The following NRG1 variants were observed in gnomAD, a reference collection of about 807,000 sequenced individuals.
The protein encoded by NRG1 is pro-neuregulin-1, membrane-bound isoform.
Under a neutral mutation model 63.8 loss-of-function variants are expected in NRG1, and 18 were observed. That is an observed-to-expected ratio of 0.28 (90% CI 0.19 to 0.42). The LOEUF (loss-of-function observed/expected upper bound fraction) is 0.42, where lower values mean the gene tolerates loss of function less well. Among genes scored for constraint, NRG1 ranks in the 10% least tolerant of loss-of-function variants. The pLI, the probability that NRG1 is intolerant of heterozygous loss-of-function variation, is 1.00. For synonymous variants in NRG1, 302 were observed against 301.3 expected (o/e 1.00, Z -0.02); for missense variants, 762 against 814.7 (o/e 0.94, Z 0.79).
intron 1 of NRG1, among the ~76,000 whole-genome samples, chr8:32,243,025 C>A (rs1481734): frequency 0.41 from 61,710 of 151,824 alleles, 13,358 homozygotes; most frequent in Admixed American, 0.47. Flanking sequence ...TGTTCTGGGT[C>A]CTTCTCCTTG....
chr8:32,335,226 T>C (rs1039578517), intron 1 of NRG1, among the ~76,000 whole-genome samples: 4 of 152,202 alleles, frequency 2.6e-5, no homozygotes, highest in African/African-American at 9.7e-5. Flanking sequence ...CAATTACAAC[T>C]TGATTCTTGT....
chr8:31,667,204 C>T (rs1254510244), intron 1 of NRG1, among the ~76,000 whole-genome samples: 1 of 152,168 alleles, frequency 6.6e-6, no homozygotes, highest in Admixed American at 6.5e-5. Context: ...TACTGATTTA[C>T]CAATTTTCTG....
chr8:31,679,052 T>C (rs1192663621), intron 1 of NRG1, among the ~76,000 whole-genome samples: 10 of 152,000 alleles, frequency 6.6e-5, no homozygotes, highest in African/African-American at 2.4e-4. Flanking sequence ...CTTTTTAAAA[T>C]TTGTTGCAGT....
At chr8:31,903,240 C>G (rs1476078772) in intron 1 of NRG1, among the ~76,000 whole-genome samples, 1 of 150,340 alleles carries the variant, frequency 6.7e-6, no homozygotes, top group Non-Finnish European at 1.5e-5. Flanking sequence ...GCTCTGCCTC[C>G]CGGGTTCACG....
chr8:32,621,941 G>A (rs532738770), intron 5 of NRG1, among the ~76,000 whole-genome samples: 54 of 152,294 alleles, frequency 3.5e-4, no homozygotes, highest in African/African-American at 1.3e-3. Flanking sequence ...GGATTGAAAG[G>A]TAGCCTTTGG....
At chr8:31,930,394 A>G (rs1037722507) in intron 1 of NRG1, among the ~76,000 whole-genome samples, 3 of 152,220 alleles carry the variant, frequency 2.0e-5, no homozygotes, top group African/African-American at 7.2e-5. Flanking sequence ...AGAACCTAGC[A>G]GATAATTTTT....
chr8:32,660,067 A>G (rs1589042656), intron 5 of NRG1, among the ~76,000 whole-genome samples: 1 of 152,180 alleles, frequency 6.6e-6, no homozygotes, highest in African/African-American at 2.4e-5. Flanking sequence ...CATTTTTATG[A>G]CCTGTATAGT....
intron 1 of NRG1, among the ~76,000 whole-genome samples, chr8:31,807,107 A>G (rs1380516685): frequency 6.6e-6 from 1 of 152,244 alleles, no homozygotes; most frequent in Admixed American, 6.5e-5. Context: ...CTGAGTAGAC[A>G]CTTTAACTTG....
At chr8:32,027,205 G>A (rs1479663192) in intron 1 of NRG1, among the ~76,000 whole-genome samples, 8 of 151,946 alleles carry the variant, frequency 5.3e-5, no homozygotes, top group African/African-American at 1.9e-4. Flanking sequence ...TTTCAAGTAG[G>A]GTTGAGTAGT....
chr8:32,232,604 T>C (rs888308852), intron 1 of NRG1, among the ~76,000 whole-genome samples: 1 of 152,134 alleles, frequency 6.6e-6, no homozygotes, highest in African/African-American at 2.4e-5. Flanking sequence ...CTATAACTCA[T>C]ATCAGGTGAA....
At chr8:32,639,249 T>C (rs1004777886) in intron 5 of NRG1, among the ~76,000 whole-genome samples, 7 of 151,834 alleles carry the variant, frequency 4.6e-5, no homozygotes, top group African/African-American at 1.5e-4. Context: ...GTACTAAAAA[T>C]ACAAAAATTA....
At chr8:32,186,601 G>C (rs1841998434) in intron 1 of NRG1, among the ~76,000 whole-genome samples, 4 of 152,196 alleles carry the variant, frequency 2.6e-5, no homozygotes, top group Admixed American at 2.6e-4. Flanking sequence ...GAGATGTGGA[G>C]ATGCAGATTC....
At chr8:31,942,699 A>T (rs1801934761) in intron 1 of NRG1, among the ~76,000 whole-genome samples, 1 of 152,124 alleles carries the variant, frequency 6.6e-6, no homozygotes, top group Non-Finnish European at 1.5e-5. Flanking sequence ...CAAGATAAAG[A>T]CAAACAATCT....
intron 1 of NRG1, among the ~76,000 whole-genome samples, chr8:31,710,970 T>A (rs1371251990): frequency 3.3e-5 from 5 of 152,184 alleles, no homozygotes; most frequent in African/African-American, 9.6e-5. Flanking sequence ...GAAGGTGACA[T>A]ATTTATTCTA....
At chr8:31,716,051 C>T (rs987887865) in intron 1 of NRG1, among the ~76,000 whole-genome samples, 6 of 152,052 alleles carry the variant, frequency 3.9e-5, no homozygotes, top group African/African-American at 1.4e-4. Flanking sequence ...TGAATGAAAT[C>T]GACATGAATA....
At chr8:31,728,869 G>A (rs1813724833) in intron 1 of NRG1, among the ~76,000 whole-genome samples, 1 of 152,098 alleles carries the variant, frequency 6.6e-6, no homozygotes, top group Non-Finnish European at 1.5e-5. Context: ...AAACATGTTG[G>A]TGTATTTCAA....
chr8:31,648,826 T>C (rs925459827), intron 1 of NRG1, among the ~76,000 whole-genome samples: 1 of 152,284 alleles, frequency 6.6e-6, no homozygotes, highest in Non-Finnish European at 1.5e-5. Flanking sequence ...ACACCTGGTT[T>C]ACTTTCACAT....
At chr8:32,482,434 A>G (rs1341651551) in intron 1 of NRG1, among the ~76,000 whole-genome samples, 2 of 79,160 alleles carry the variant, frequency 2.5e-5, no homozygotes, top group Non-Finnish European at 5.1e-5. Context: ...GTTCTCTGGT[A>G]TCTGTAAATA....
chr8:32,644,703 C>G (rs1853126159), intron 5 of NRG1, among the ~76,000 whole-genome samples: 1 of 152,068 alleles, frequency 6.6e-6, no homozygotes, highest in South Asian at 2.1e-4. Context: ...CCATAGGATT[C>G]TCTCTCTGAT....
Sources: allele counts gnomAD v4.1 joint callset (sites outside exome capture counted in the v4.1 genomes callset), GRCh38; gene constraint gnomAD v4.1.1; transcripts MANE v1.5; gene names NCBI Gene and HGNC (gene_info 2026-07-23, HGNC 2026-07-21).